Variants in VWA3B observed in about 807,000 individuals in gnomAD.
VWA3B encodes von Willebrand factor A domain-containing protein 3B.
A neutral mutation model predicts 158.3 loss-of-function variants in VWA3B; 138 were observed. The observed-to-expected ratio is 0.87, with a 90% CI of 0.76 to 1.00. The LOEUF (loss-of-function observed/expected upper bound fraction) is 1.00. Ranked by LOEUF, VWA3B falls within the 50% of genes least tolerant of loss-of-function variation. The pLI is 0.00. For synonymous variants in VWA3B, 596 were observed against 587.3 expected (o/e 1.01, Z -0.21); for missense variants, 1,555 against 1,565.1 (o/e 0.99, Z 0.11).
the VWA3B span, among the ~76,000 whole-genome samples, chr2:98,329,868 A>G: frequency 6.6e-6 from 1 of 152,180 alleles, no homozygotes; most frequent in Non-Finnish European, 1.5e-5. Flanking sequence ...CCCGTGCCCA[A>G]GAGTCTCAGC....
At position 98,228,312 on chromosome 2, in the gene VWA3B, A is replaced by G; in HGVS notation, c.2130A>G (p.Ala710=). The G allele has an allele frequency of 6.2e-7, 1 of 1,613,878 alleles. No individual in the cohort carries two copies. Among genetic ancestry groups the G allele is most frequent in the Non-Finnish European group, 8.5e-7 (1 of 1,179,866 alleles). The change falls in exon 15 of 28, where the codon GCA becomes GCG. Residue 710 remains alanine, a synonymous_variant. Coordinates refer to ENST00000477737, the MANE Select transcript of VWA3B (RefSeq NM_144992.5). ...TGATCATGGACTGGTGGTACAATGC[A>G]GAAAAGGATGGAGACAGCAAGTGAG... ...ESLIMDWWYN[A]EKDGDSKHQK... is the part of the protein sequence containing the mutation.
chr2:98,248,885 C>T (rs201227686), intron 19 of VWA3B, among the ~76,000 whole-genome samples: 14,767 of 57,772 alleles, frequency 0.26, 1,374 homozygotes, highest in Admixed American at 0.32. Context: ...CTTTCTTTCT[C>T]TCTTTCCTTT....
intron 2 of VWA3B, among the ~76,000 whole-genome samples, chr2:98,109,772 A>G (rs1673993950): frequency 6.6e-6 from 1 of 151,488 alleles, no homozygotes; most frequent in Non-Finnish European, 1.5e-5. Flanking sequence ...CACCAGATGT[A>G]AGATTTAGGG....
chr2:98,170,577 G>C (rs1171290832), intron 8 of VWA3B, among the ~76,000 whole-genome samples: 2 of 151,776 alleles, frequency 1.3e-5, no homozygotes, highest in African/African-American at 4.8e-5. Flanking sequence ...GTCCTGGGTG[G>C]TGATGAAGTA....
intron 16 of VWA3B, 133 bp from the exon 17 acceptor site, chr2:98,234,515 C>G: frequency 7.5e-7 from 1 of 1,329,980 alleles, no homozygotes; most frequent in Non-Finnish European, 1.0e-6. Flanking sequence ...CAGTTTGTGG[C>G]AGCACCATCC....
intron 12 of VWA3B, among the ~76,000 whole-genome samples, chr2:98,197,968 A>G (rs1203232111): frequency 6.6e-6 from 1 of 151,914 alleles, no homozygotes; most frequent in African/African-American, 2.4e-5. Flanking sequence ...CTCTCAGTGG[A>G]CAGAGATAGA....
intron 10 of VWA3B, among the ~76,000 whole-genome samples, chr2:98,188,446 TTCC>T (rs1681309742): frequency 6.6e-6 from 1 of 152,150 alleles, no homozygotes; most frequent in South Asian, 2.1e-4. Flanking sequence ...CCAGAGCTTG[TTCC>T]TCCTATCTAG....
rs1362967185 is a variant in VWA3B at position 98,096,596 on chromosome 2, T to G, written c.196+3308T>G. Among the ~76,000 whole-genome samples, 6 of 152,280 alleles carry G rather than the reference T, an allele frequency of 3.9e-5. No individual in the cohort carries two copies. The South Asian group carries it at 8.3e-4, about 21-fold the overall frequency. ...GAGATTTTTTATTACTGATTCCATC[T>G]CCTTACTCATTGGTTTGTTCAGATT... On this transcript the variant is annotated intron_variant, in intron 2 of 27. Coordinates refer to ENST00000477737, the MANE Select transcript of VWA3B (RefSeq NM_144992.5).
chr2:98,309,366 C>T (rs1368873918), intron 26 of VWA3B, among the ~76,000 whole-genome samples: 3 of 152,146 alleles, frequency 2.0e-5, no homozygotes, highest in African/African-American at 7.2e-5. Flanking sequence ...ATGTTCTTCT[C>T]TTGCTGCTTG....
intron 6 of VWA3B, 21 bp from the exon 7 acceptor site, chr2:98,133,803 G>A: frequency 6.2e-7 from 1 of 1,609,890 alleles, no homozygotes; most frequent in Non-Finnish European, 8.5e-7. Context: ...CCTTCCTAAT[G>A]AGCATCTCTT....
At chr2:98,164,411 G>A (rs147959161) in intron 8 of VWA3B, among the ~76,000 whole-genome samples, 1 of 152,308 alleles carries the variant, frequency 6.6e-6, no homozygotes, top group East Asian at 1.9e-4. Flanking sequence ...ACAGCAATAT[G>A]ACCACTGAAT....
chr2:98,265,717 C>T (rs1377667462), intron 21 of VWA3B, among the ~76,000 whole-genome samples: 2 of 149,888 alleles, frequency 1.3e-5, no homozygotes, highest in African/African-American at 2.5e-5. Context: ...TGTTTCCTGA[C>T]TTTTTAATGA....
intron 2 of VWA3B, among the ~76,000 whole-genome samples, chr2:98,094,933 TA>T (rs1448416080): frequency 2.0e-5 from 3 of 152,228 alleles, no homozygotes; most frequent in Admixed American, 6.5e-5. Flanking sequence ...TGGCTGTACA[TA>T]CATATGTGGA....
chr2:98,229,314 G>T lies in VWA3B; in HGVS notation c.2151-736G>T, dbSNP rs1407280694. 3.9e-5 allele frequency among the ~76,000 whole-genome samples: 6 copies of T among 152,348 alleles called. No individual in the cohort carries two copies. The East Asian group carries it at 9.6e-4, about 24-fold the overall frequency. Reference sequence around the variant, plus strand: ...ATGTCAGTCTGGTTCCTTCTGCTGTGGGGGGCACAGTGCGGGCACAGACCC... The same window carrying T: ...ATGTCAGTCTGGTTCCTTCTGCTGTTGGGGGCACAGTGCGGGCACAGACCC... On this transcript the variant is annotated intron_variant, in intron 15 of 27. Coordinates refer to ENST00000477737, the MANE Select transcript of VWA3B (RefSeq NM_144992.5).
At position 98,217,840 on chromosome 2, in the gene VWA3B, T is replaced by C; in HGVS notation, c.1837-6T>C. The C allele has an allele frequency of 6.4e-7, 1 of 1,572,430 alleles. No individual in the cohort carries two copies. Among genetic ancestry groups the C allele is most frequent in the Non-Finnish European group, 8.6e-7 (1 of 1,165,208 alleles). ...CTTCCCCCATCCCCAAAACTTATCG[T>C]TTCAGCCACCTGAAACAGTTATAGA... On this transcript the variant is annotated splice_polypyrimidine_tract_variant and splice_region_variant and intron_variant, in intron 13 of 27. Transcript: ENST00000477737.
chr2:98,218,546 T>C (rs574510589), intron 14 of VWA3B, among the ~76,000 whole-genome samples: 1 of 152,346 alleles, frequency 6.6e-6, no homozygotes, highest in East Asian at 1.9e-4. Flanking sequence ...GTTAGTTGCT[T>C]GCTGACCTCT....
chr2:98,124,588 C>T (rs568020606), intron 5 of VWA3B, among the ~76,000 whole-genome samples: 1 of 152,306 alleles, frequency 6.6e-6, no homozygotes, highest in African/African-American at 2.4e-5. Flanking sequence ...GAGGTCAGAT[C>T]CAGGGACTGG....
intron 2 of VWA3B, among the ~76,000 whole-genome samples, chr2:98,097,409 C>T (rs754576722): frequency 3.5e-4 from 54 of 152,196 alleles, no homozygotes; most frequent in Non-Finnish European, 5.9e-4. Flanking sequence ...CAGCTCCATC[C>T]AAGTTGCTGC....
chr2:98,112,303 G>T (rs12328883), intron 2 of VWA3B, among the ~76,000 whole-genome samples: 5,754 of 136,714 alleles, frequency 0.042, 109 homozygotes, highest in East Asian at 0.092. Flanking sequence ...TGTGTGTGTG[G>T]GTGTGTGTGT....
Sources: gnomAD v4.1 joint callset for allele counts (sites outside exome capture counted in the v4.1 genomes callset) on GRCh38, gnomAD v4.1.1 for gene constraint, MANE v1.5 for transcripts, NCBI Gene and HGNC (gene_info 2026-07-23, HGNC 2026-07-21) for gene names.